The following DPP6 variants were observed in gnomAD, a reference collection of about 807,000 sequenced individuals.
DPP6 encodes the protein A-type potassium channel modulatory protein DPP6.
DPP6 carries 69 observed loss-of-function variants against 122.6 expected under a neutral mutation model. The ratio of observed to expected loss-of-function variants is 0.56; its 90% confidence interval spans 0.46 to 0.69. The LOEUF is 0.69. Ranked by LOEUF, DPP6 falls within the 30% of genes least tolerant of loss-of-function variation. The pLI is 0.00. For synonymous variants in DPP6, 418 were observed against 433.1 expected, an observed-to-expected ratio of 0.97 and a Z score of 0.43; for missense variants, 928 against 1,116.9, an observed-to-expected ratio of 0.83 and a Z score of 2.41.
intron 1 of DPP6, among the ~76,000 whole-genome samples, chr7:154,341,879 G>T (rs1406334932): frequency 1.3e-5 from 2 of 151,476 alleles, no homozygotes; most frequent in Non-Finnish European, 2.9e-5. Flanking sequence ...ACCAATTAAA[G>T]AGAACATTTT....
intron 1 of DPP6, among the ~76,000 whole-genome samples, chr7:154,390,310 G>A (rs1814503472): frequency 6.6e-6 from 1 of 152,198 alleles, no homozygotes; most frequent in Non-Finnish European, 1.5e-5. Context: ...GTTGACCATG[G>A]ATTACCTGGG....
chr7:154,455,888 T>C (rs1246146615), intron 2 of DPP6, among the ~76,000 whole-genome samples: 1 of 152,236 alleles, frequency 6.6e-6, no homozygotes, highest in African/African-American at 2.4e-5. Flanking sequence ...GGGACCCTGG[T>C]TTCCTCTGGA....
chr7:154,831,703 C>A (rs1800642529), intron 16 of DPP6, among the ~76,000 whole-genome samples: 1 of 152,158 alleles, frequency 6.6e-6, no homozygotes, highest in South Asian at 2.1e-4. Context: ...TCAAGTTTTC[C>A]TTTTCATGAC....
chr7:154,473,418 C>G (rs1487450120), intron 2 of DPP6, among the ~76,000 whole-genome samples: 2 of 152,144 alleles, frequency 1.3e-5, no homozygotes, highest in Non-Finnish European at 2.9e-5. Flanking sequence ...CACCTTGAGT[C>G]ACAGCATTCT....
At chr7:153,977,018 A>T (rs1294194454) in intron 1 of DPP6, among the ~76,000 whole-genome samples, 3 of 152,134 alleles carry the variant, frequency 2.0e-5, no homozygotes, top group Admixed American at 6.5e-5. Context: ...CCCACTTTTC[A>T]TTCTGCACAC....
chr7:154,332,721 G>A (rs1413318429), intron 1 of DPP6, among the ~76,000 whole-genome samples: 2 of 152,340 alleles, frequency 1.3e-5, no homozygotes, highest in Non-Finnish European at 2.9e-5. Context: ...TACATTTTGA[G>A]ATTCTGTCTC....
In DPP6 at chr7:154,679,945, C is replaced by T. The variant is rs542906845; in HGVS notation, c.762+10504C>T. 2.6e-5 allele frequency among the ~76,000 whole-genome samples: 4 copies of T among 152,246 alleles called. No individual in the cohort carries two copies. The South Asian group carries it at 6.2e-4, about 24-fold the overall frequency. On this transcript the variant is annotated intron_variant, in intron 7 of 25. Coordinates refer to ENST00000377770, the MANE Select transcript of DPP6 (RefSeq NM_130797.4). ...ACTTCCTGGCTCTGTGGGGCTAAAT[C>T]ACTTTAATATTCACTTGCACTCAAG...
chr7:154,850,014 G>A (rs1464564271), intron 16 of DPP6, among the ~76,000 whole-genome samples: 1 of 152,278 alleles, frequency 6.6e-6, no homozygotes, highest in East Asian at 1.9e-4. Flanking sequence ...AATCCCACTT[G>A]TTTATGATGA....
rs1491387853 is a variant in DPP6 at position 153,964,913 on chromosome 7, C to CTTTCTTT, written c.51+77179_51+77180insTTTCTTT. 4.4e-5 allele frequency among the ~76,000 whole-genome samples: 5 copies of CTTTCTTT among 113,396 alleles called. 1 individual carries two copies. The highest frequency in any genetic ancestry group is 2.9e-4 in the Admixed American group (3 of 10,242). 74.4% of individuals were successfully genotyped at this position (113,396 alleles called of 152,430 possible). ...CCCTTTCTTTCCCTTCTTTTCTTTT[C>CTTTCTTT]CTTTCTTTCTTTCTTTCTTTCTTTC... On this transcript the variant is annotated intron_variant, in intron 1 of 25. Coordinates refer to the DPP6 transcript ENST00000404039.
chr7:154,306,460 A>G (rs1331990531), intron 1 of DPP6, among the ~76,000 whole-genome samples: 1 of 152,224 alleles, frequency 6.6e-6, no homozygotes, highest in Non-Finnish European at 1.5e-5. Flanking sequence ...GTAAATCAAC[A>G]GCTTAAGCTG....
intron 16 of DPP6, among the ~76,000 whole-genome samples, chr7:154,847,263 A>G (rs1390886929): frequency 6.6e-6 from 1 of 152,200 alleles, no homozygotes; most frequent in African/African-American, 2.4e-5. Context: ...TGTTACATTG[A>G]GACATGTCAT....
intron 1 of DPP6, among the ~76,000 whole-genome samples, chr7:154,412,767 C>T (rs192320443): frequency 9.9e-5 from 15 of 152,270 alleles, no homozygotes; most frequent in Admixed American, 5.2e-4. Flanking sequence ...TCTCACTCGA[C>T]GACCTCACCT....
intron 1 of DPP6, among the ~76,000 whole-genome samples, chr7:154,367,999 G>A (rs539921501): frequency 6.6e-6 from 1 of 151,982 alleles, no homozygotes; most frequent in Non-Finnish European, 1.5e-5. Flanking sequence ...GTAGAGACAG[G>A]GTTTTACCAT....
chr7:154,205,116 C>A (rs1053414876), intron 1 of DPP6, among the ~76,000 whole-genome samples: 6 of 152,098 alleles, frequency 3.9e-5, no homozygotes, highest in African/African-American at 1.4e-4. Context: ...TTTTAAAGAA[C>A]AACTTCGATG....
At chr7:154,174,650 T>C (rs1797703805) in intron 1 of DPP6, among the ~76,000 whole-genome samples, 1 of 152,238 alleles carries the variant, frequency 6.6e-6, no homozygotes, top group Non-Finnish European at 1.5e-5. Flanking sequence ...TCTTCATTAC[T>C]GGAAGCCTGG....
the DPP6 span, among the ~76,000 whole-genome samples, chr7:153,800,370 A>T: frequency 1.1e-4 from 17 of 152,326 alleles, no homozygotes; most frequent in East Asian, 1.9e-3. Flanking sequence ...GAGCTAAAAA[A>T]GTTCATTTCA....
intron 13 of DPP6, among the ~76,000 whole-genome samples, chr7:154,803,223 A>G (rs1798485623): frequency 6.6e-6 from 1 of 152,114 alleles, no homozygotes; most frequent in South Asian, 2.1e-4. Context: ...ACAGCTGCCC[A>G]TTTCAAATCC....
At chr7:154,040,594 A>C (rs886438046) in intron 1 of DPP6, among the ~76,000 whole-genome samples, 1 of 150,170 alleles carries the variant, frequency 6.7e-6, no homozygotes, top group Non-Finnish European at 1.5e-5. Flanking sequence ...ATTAAGACTC[A>C]AAGTCCCTAA....
At chr7:154,643,593 T>C (rs571293454) in intron 6 of DPP6, among the ~76,000 whole-genome samples, 1 of 151,766 alleles carries the variant, frequency 6.6e-6, no homozygotes, top group Non-Finnish European at 1.5e-5. Flanking sequence ...CTCAGCCTCC[T>C]GAGTAGCTGG....
Sources: gnomAD v4.1 joint callset for allele counts (sites outside exome capture counted in the v4.1 genomes callset) on GRCh38, gnomAD v4.1.1 for gene constraint, MANE v1.5 for transcripts, NCBI Gene and HGNC (gene_info 2026-07-23, HGNC 2026-07-21) for gene names.